Variants in GRHL2 observed in about 807,000 individuals in gnomAD.
GRHL2 encodes grainyhead-like protein 2 homolog.
Under a neutral mutation model 83.8 loss-of-function variants are expected in GRHL2, and 21 were observed. The observed-to-expected ratio is 0.25, with a 90% CI of 0.18 to 0.36. GRHL2 has a LOEUF of 0.36. Among genes scored for constraint, GRHL2 ranks in the 10% least tolerant of loss-of-function variants. GRHL2 has a pLI of 1.00. For synonymous variants in GRHL2, 280 were observed against 278.9 expected, an observed-to-expected ratio of 1.00 and a Z score of -0.04; for missense variants, 623 against 781.8, an observed-to-expected ratio of 0.80 and a Z score of 2.42.
At position 101,668,995 on chromosome 8, in the gene GRHL2, C is replaced by T. The variant is rs1814142998; in HGVS notation, c.*2292C>T. The T allele has an allele frequency of 6.6e-6, 1 of 152,196 alleles. No individual in the cohort carries two copies. The allele number at this position is 152,196 out of a possible 1,614,324, so 9.4% of individuals were successfully genotyped here. A position where few individuals can be genotyped will look rare whatever the true frequency, so the allele number is the denominator to read the frequency against. On this transcript the variant is annotated 3_prime_UTR_variant, in exon 16 of 16. Coordinates refer to ENST00000646743, the MANE Select transcript of GRHL2 (RefSeq NM_024915.4). ...GACAATTGCCACAAGGGATATGAGG[C>T]CAGTGCCACCAGAGGGTGGTGCCAA...
intron 1 of GRHL2, among the ~76,000 whole-genome samples, chr8:101,505,446 C>G (rs687909): frequency 0.98 from 149,467 of 151,948 alleles, 73,596 homozygotes; most frequent in Non-Finnish European, 1. Flanking sequence ...ATGTGGTGGT[C>G]CATGCCTGTA....
At chr8:101,550,392 T>C (rs1202899205) in intron 2 of GRHL2, among the ~76,000 whole-genome samples, 1 of 152,146 alleles carries the variant, frequency 6.6e-6, no homozygotes, top group Non-Finnish European at 1.5e-5. Flanking sequence ...TTCCCATCTT[T>C]ATGTCAATGT....
chr8:101,666,548 C>T lies in GRHL2; in HGVS notation c.1764-41C>T, dbSNP rs116327133. 3,246 of 1,189,554 alleles carry T rather than the reference C, an allele frequency of 2.7e-3. 74 individuals carry two copies. In the South Asian group the frequency reaches 0.028, roughly 10 times the overall value. 73.7% of individuals were successfully genotyped at this position (1,189,554 alleles called of 1,614,324 possible). A position where few individuals can be genotyped will look rare whatever the true frequency, so the allele number is the denominator to read the frequency against. On this transcript the variant is annotated intron_variant, in intron 15 of 15. Transcript: ENST00000646743. Reference sequence around the variant, plus strand: ...CCCCTTGCCCTGGGCACATTGTTCACGGCGTCTTTGTTTTTCACACCCCTC... The same window carrying T: ...CCCCTTGCCCTGGGCACATTGTTCATGGCGTCTTTGTTTTTCACACCCCTC...
At chr8:101,615,261 C>A (rs1318209328) in intron 8 of GRHL2, among the ~76,000 whole-genome samples, 1 of 152,162 alleles carries the variant, frequency 6.6e-6, no homozygotes, top group African/African-American at 2.4e-5. Flanking sequence ...GTGGGTCTGT[C>A]CCACTTAAAT....
At chr8:101,676,786 C>G in the GRHL2 span, among the ~76,000 whole-genome samples, 1 of 152,096 alleles carries the variant, frequency 6.6e-6, no homozygotes, top group Admixed American at 6.5e-5. Flanking sequence ...GTACTATTCA[C>G]AATAGCAAAG....
At chr8:101,607,246 G>T (rs1324631802) in intron 8 of GRHL2, among the ~76,000 whole-genome samples, 1 of 152,208 alleles carries the variant, frequency 6.6e-6, no homozygotes, top group East Asian at 1.9e-4. Context: ...CCAAAGGGCT[G>T]TTCCTAAATG....
At chr8:101,558,069 T>C (rs1316203293) in intron 3 of GRHL2, among the ~76,000 whole-genome samples, 1 of 152,164 alleles carries the variant, frequency 6.6e-6, no homozygotes, top group Admixed American at 6.5e-5. Context: ...GGTTTCACCA[T>C]GTTAGCCAGG....
chr8:101,612,481 T>TTAGATAGA lies in GRHL2; in HGVS notation c.1099-7023_1099-7016dup, dbSNP rs71574030. Among the ~76,000 whole-genome samples, 783 of 139,650 alleles carry TTAGATAGA rather than the reference T, an allele frequency of 5.6e-3. 22 individuals carry two copies. Among genetic ancestry groups the TTAGATAGA allele is most frequent in the East Asian group, 0.011 (52 of 4,880 alleles). The allele number at this position is 139,650 out of a possible 152,430, so 91.6% of individuals were successfully genotyped here. ...TTCAGAGTGTGGATGGATGGATGGA[T>TTAGATAGA]TAGATAGATAGATAGATAGATAGAT... On this transcript the variant is annotated intron_variant, in intron 8 of 15. Transcript: ENST00000646743.
intron 12 of GRHL2, 86 bp downstream of exon 12, chr8:101,637,014 C>T: frequency 8.1e-7 from 1 of 1,229,828 alleles, no homozygotes; most frequent in South Asian, 1.2e-5. Context: ...TAACCCTAGG[C>T]AGGAAGTGAA....
At chr8:101,527,759 G>T (rs1810837257) in intron 1 of GRHL2, among the ~76,000 whole-genome samples, 1 of 152,068 alleles carries the variant, frequency 6.6e-6, no homozygotes, top group Non-Finnish European at 1.5e-5. Flanking sequence ...AATCGTTTTT[G>T]AATCTTTTCA....
intron 8 of GRHL2, among the ~76,000 whole-genome samples, chr8:101,619,119 G>T (rs1415281266): frequency 6.6e-6 from 1 of 152,078 alleles, no homozygotes. Context: ...CAGACGTGGT[G>T]GCAGGCTCCT....
chr8:101,670,350 C>T (rs1314390417), downstream of GRHL2, among the ~76,000 whole-genome samples: 2 of 152,220 alleles, frequency 1.3e-5, no homozygotes, highest in Admixed American at 1.3e-4. Flanking sequence ...CATTCTTCTA[C>T]ATCTTCCCAT....
At chr8:101,601,159 AACACACACACACAC>A (rs5893575) in intron 8 of GRHL2, among the ~76,000 whole-genome samples, 20,593 of 137,372 alleles carry the variant, frequency 0.15, 1,580 homozygotes, top group African/African-American at 0.19. Flanking sequence ...GACTGTCTTA[AACACACACACACAC>A]ACACACACAC....
chr8:101,568,975 G>A (rs1196172752), intron 4 of GRHL2, among the ~76,000 whole-genome samples: 1 of 152,142 alleles, frequency 6.6e-6, no homozygotes, highest in Admixed American at 6.5e-5. Context: ...GGAGTTGTGA[G>A]GAAGTTTGGA....
At chr8:101,543,951 A>AAGATG (rs1470219865) in intron 2 of GRHL2, 1 of 180,330 alleles carries the variant, frequency 5.5e-6, no homozygotes, top group Admixed American at 5.7e-5. Context: ...GAAAATGAAG[A>AAGATG]AGATGCAAAA....
chr8:101,562,438 G>A (rs1448597633), intron 4 of GRHL2: 6 of 471,436 alleles, frequency 1.3e-5, no homozygotes, highest in Admixed American at 6.9e-5. Context: ...ACGTCATGCC[G>A]TGGCCAGGGT....
At chr8:101,574,607 G>A (rs945179363) in intron 6 of GRHL2, among the ~76,000 whole-genome samples, 3 of 152,214 alleles carry the variant, frequency 2.0e-5, no homozygotes, top group Non-Finnish European at 4.4e-5. Flanking sequence ...CACTTAAGAA[G>A]GGGGCACATG....
intron 14 of GRHL2, among the ~76,000 whole-genome samples, chr8:101,651,686 G>A (rs1453131127): frequency 6.6e-6 from 1 of 152,110 alleles, no homozygotes; most frequent in African/African-American, 2.4e-5. Flanking sequence ...CTTTTAGTGG[G>A]AGCTCATTAC....
At chr8:101,674,825 A>T in the GRHL2 span, among the ~76,000 whole-genome samples, 1 of 151,678 alleles carries the variant, frequency 6.6e-6, no homozygotes, top group African/African-American at 2.4e-5. Context: ...TACTGGCAAA[A>T]CGAATCCAGC....
Sources: allele counts gnomAD v4.1 joint callset (sites outside exome capture counted in the v4.1 genomes callset), GRCh38; gene constraint gnomAD v4.1.1; transcripts MANE v1.5; gene names NCBI Gene and HGNC (gene_info 2026-07-23, HGNC 2026-07-21).